The following OTULIN variants were observed in gnomAD, a reference collection of about 807,000 sequenced individuals.
OTULIN encodes the protein OTU deubiquitinase with linear linkage specificity, also known as ubiquitin thioesterase otulin.
A neutral mutation model predicts 39.6 loss-of-function variants in OTULIN; 15 were observed. That is an observed-to-expected ratio of 0.38 (90% CI 0.25 to 0.58). OTULIN has a LOEUF of 0.58. Among genes scored for constraint, OTULIN ranks in the 20% least tolerant of loss-of-function variants. OTULIN has a pLI of 0.66. For missense variants in OTULIN, 319 were observed against 445.9 expected (o/e 0.72, Z 2.56); for synonymous variants, 156 against 170.3 (o/e 0.92, Z 0.65).
At chr5:14,678,497 C>T (rs1035606971) in intron 2 of OTULIN, among the ~76,000 whole-genome samples, 184 bp from the exon 3 acceptor site, 2 of 152,078 alleles carry the variant, frequency 1.3e-5, no homozygotes, top group African/African-American at 4.8e-5. Context: ...CATTGGGAGA[C>T]CCCCATGGTT....
intron 5 of OTULIN, 138 bp downstream of exon 5, chr5:14,687,784 A>C (rs769759317): frequency 8.4e-6 from 9 of 1,068,406 alleles, no homozygotes; most frequent in Non-Finnish European, 1.2e-5. Context: ...TTTTAAATGA[A>C]TTCAAACTCT....
intron 1 of OTULIN, among the ~76,000 whole-genome samples, chr5:14,670,246 T>C (rs1429572927): frequency 6.6e-6 from 1 of 152,186 alleles, no homozygotes; most frequent in Admixed American, 6.5e-5. Flanking sequence ...ACACAAAAGG[T>C]TGCCAAATCC....
At chr5:14,716,152 G>A in the OTULIN span, among the ~76,000 whole-genome samples, 1 of 152,190 alleles carries the variant, frequency 6.6e-6, no homozygotes, top group South Asian at 2.1e-4. Flanking sequence ...AGCTCCACAT[G>A]CTATCCTTTC....
chr5:14,698,333 A>G lies in OTULIN; in HGVS notation c.*5285A>G, dbSNP rs1300025539. On this transcript the variant is annotated 3_prime_UTR_variant, in exon 7 of 7. Coordinates refer to ENST00000284274, the MANE Select transcript of OTULIN (RefSeq NM_138348.6). ...GTTTAGCAGTGCCTCTGTTTACACC[A>G]TAAGATGTTCCGCATGTGTCCAAAA... The G allele has an allele frequency of 2.0e-5, 3 of 152,258 alleles. No homozygotes were observed. The highest frequency in any genetic ancestry group is 2.9e-5 in the Non-Finnish European group (2 of 68,058). The allele number at this position is 152,258 out of a possible 1,614,324, so 9.4% of individuals were successfully genotyped here. A position where few individuals can be genotyped will look rare whatever the true frequency, so the allele number is the denominator to read the frequency against.
intron 1 of OTULIN, among the ~76,000 whole-genome samples, chr5:14,673,070 T>C (rs952409369): frequency 2.6e-5 from 4 of 152,162 alleles, no homozygotes; most frequent in Non-Finnish European, 4.4e-5. Context: ...TGGGAATCTA[T>C]GTAACAGCTG....
Position 14,697,602 on chromosome 5 carries a change from G to A in OTULIN, c.*4554G>A, listed in dbSNP as rs180703858. On this transcript the variant is annotated 3_prime_UTR_variant, in exon 7 of 7. Transcript: ENST00000284274. ...TAGAAACACATACATTAATTGTATT[G>A]AAATGTTATATCAATACATCATTTA... 1 of 152,274 alleles carries A rather than the reference G, an allele frequency of 6.6e-6. No individual in the cohort carries two copies. The highest frequency in any genetic ancestry group is 1.9e-4 in the East Asian group (1 of 5,186). 9.4% of individuals were successfully genotyped at this position (152,274 alleles called of 1,614,324 possible).
chr5:14,711,421 T>TAAACCTTCTTATG, the OTULIN span: 1 of 869,486 alleles, frequency 1.2e-6, no homozygotes. Context: ...ACTGTAGGCT[T>TAAACCTTCTTATG]AAACCTTCTT....
chr5:14,709,958 A>AAATC, the OTULIN span: 2 of 152,280 alleles, frequency 1.3e-5, no homozygotes, highest in African/African-American at 2.4e-5. Flanking sequence ...AATTCTGACT[A>AAATC]AATCAATTTA....
the OTULIN span, chr5:14,711,229 C>T: frequency 6.2e-7 from 1 of 1,614,164 alleles, no homozygotes; most frequent in Non-Finnish European, 8.5e-7. Context: ...TCCACGATGT[C>T]TGTCACCTCC....
intron 4 of OTULIN, among the ~76,000 whole-genome samples, chr5:14,682,181 TC>T (rs1433917739): frequency 2.0e-5 from 3 of 152,218 alleles, no homozygotes; most frequent in African/African-American, 7.2e-5. Context: ...TGTCTGCATG[TC>T]CTGACACGGA....
chr5:14,690,405 A>G lies in OTULIN; in HGVS notation c.864+97A>G. ...TTTTGTAGGTCAGAAATTCAGGGAC[A>G]GCTTAGTTGGATGGTTCTGGCTCAG... On this transcript the variant is annotated intron_variant, in intron 6 of 6. Coordinates refer to ENST00000284274, the MANE Select transcript of OTULIN (RefSeq NM_138348.6). The surrounding 1 kb of genome is among the most constrained non-coding windows in gnomAD (Gnocchi z 4.5). 7.0e-7 allele frequency: 1 copy of G among 1,433,846 alleles called. No individual in the cohort carries two copies. The highest frequency in any genetic ancestry group is 9.4e-7 in the Non-Finnish European group (1 of 1,059,650). 88.8% of individuals were successfully genotyped at this position (1,433,846 alleles called of 1,614,324 possible). A position where few individuals can be genotyped will look rare whatever the true frequency, so the allele number is the denominator to read the frequency against.
intron 1 of OTULIN, among the ~76,000 whole-genome samples, chr5:14,672,843 T>A (rs147969005): frequency 3.9e-5 from 6 of 152,370 alleles, no homozygotes; most frequent in African/African-American, 9.6e-5. Context: ...TCTGGTTTCA[T>A]GAAAGATAGA....
At chr5:14,680,642 G>T (rs1311882238) in intron 3 of OTULIN, among the ~76,000 whole-genome samples, 1 of 152,174 alleles carries the variant, frequency 6.6e-6, no homozygotes, top group Non-Finnish European at 1.5e-5. Context: ...GGATTTTTTG[G>T]TGTCTTTTCA....
chr5:14,679,987 A>G (rs1280663517), intron 3 of OTULIN, among the ~76,000 whole-genome samples: 3 of 152,270 alleles, frequency 2.0e-5, no homozygotes, highest in Non-Finnish European at 4.4e-5. Context: ...CAGATGCCTG[A>G]AAACAGCTTT....
Position 14,673,699 on chromosome 5 carries a change from A to T in OTULIN, c.210A>T (p.Ile70=). The change falls in exon 2 of 7, where the codon ATA becomes ATT. Residue 70 remains isoleucine, a synonymous_variant. Coordinates refer to ENST00000284274, the MANE Select transcript of OTULIN (RefSeq NM_138348.6). ...TAGAAAAGGAGAAAGAATTGCTTAT[A>T]CATGAAAGAGGGGCATCAGGTATGT... The part of the protein sequence containing the change: ...DEIEKEKELL[I]HERGASEPRL... 6.2e-7 allele frequency: 1 copy of T among 1,613,738 alleles called. No homozygotes were observed. The highest frequency in any genetic ancestry group is 1.3e-5 in the African/African-American group (1 of 75,048).
chr5:14,665,635 C>T (rs997497728), intron 1 of OTULIN, among the ~76,000 whole-genome samples: 16 of 152,162 alleles, frequency 1.1e-4, no homozygotes, highest in African/African-American at 3.9e-4. Flanking sequence ...CTTTTCTACA[C>T]TTTCAAGTTT....
the OTULIN span, chr5:14,707,414 CAAGT>C: frequency 9.2e-5 from 14 of 152,128 alleles, no homozygotes; most frequent in Admixed American, 6.5e-4. Context: ...AAATGGGGAA[CAAGT>C]AAGAGAGCAG....
intron 4 of OTULIN, among the ~76,000 whole-genome samples, chr5:14,686,069 A>C (rs970806308): frequency 1.8e-4 from 28 of 152,172 alleles, no homozygotes; most frequent in Admixed American, 8.5e-4. Context: ...GTAGTTCGCC[A>C]TCACTGTGGT....
intron 5 of OTULIN, among the ~76,000 whole-genome samples, chr5:14,689,759 C>T (rs1736477194): frequency 6.6e-6 from 1 of 152,192 alleles, no homozygotes; most frequent in Non-Finnish European, 1.5e-5. Flanking sequence ...TTGGCTGGTT[C>T]AATCTCATTG....
Sources: gnomAD v4.1 joint callset for allele counts (sites outside exome capture counted in the v4.1 genomes callset) on GRCh38, gnomAD v4.1.1 for gene constraint, Gnocchi (gnomAD v3.1) non-coding constraint, MANE v1.5 for transcripts, NCBI Gene and HGNC (gene_info 2026-07-23, HGNC 2026-07-21) for gene names.